ITM2B: variants seen among roughly 807,000 people sequenced by gnomAD.
ITM2B encodes integral membrane protein 2B.
ITM2B carries 11 observed loss-of-function variants against 27.8 expected under a neutral mutation model. The observed-to-expected ratio is 0.40, with a 90% CI of 0.25 to 0.66. The LOEUF (loss-of-function observed/expected upper bound fraction) is 0.66, where lower values mean the gene tolerates loss of function less well. Ranked by LOEUF, ITM2B falls within the 30% of genes least tolerant of loss-of-function variation. ITM2B has a pLI of 0.43. For missense variants in ITM2B, 296 were observed against 328.9 expected (o/e 0.90, Z 0.77); for synonymous variants, 114 against 114.3 (o/e 1.00, Z 0.02).
At position 48,267,598 on chromosome 13, in the gene ITM2B, G is replaced by T. The variant is rs140919645; in HGVS notation, c.*6374G>T. 9.2e-5 allele frequency: 14 copies of T among 152,160 alleles called. No individual in the cohort carries two copies. Among genetic ancestry groups the T allele is most frequent in the Admixed American group, 6.6e-4 (10 of 15,266 alleles). The allele number at this position is 152,160 out of a possible 1,614,324, so 9.4% of individuals were successfully genotyped here. A position where few individuals can be genotyped will look rare whatever the true frequency, so the allele number is the denominator to read the frequency against. On this transcript the variant is annotated 3_prime_UTR_variant, in exon 6 of 6. Coordinates refer to ENST00000647800, the MANE Select transcript of ITM2B (RefSeq NM_021999.5). ...TCTTGACTTTTGTTGAGGATTGATA[G>T]AAATAAAAATGAGCCAGAAATGTTT... is the stretch of plus-strand genomic sequence containing the variant.
At chr13:48,249,690 TA>T (rs938539341) in intron 1 of ITM2B, among the ~76,000 whole-genome samples, 1 of 152,168 alleles carries the variant, frequency 6.6e-6, no homozygotes, top group African/African-American at 2.4e-5. Flanking sequence ...ATTCCTCAAT[TA>T]AAAGGGTATG....
chr13:48,252,159 A>T (rs1249066036), intron 1 of ITM2B, among the ~76,000 whole-genome samples: 1 of 152,234 alleles, frequency 6.6e-6, no homozygotes, highest in African/African-American at 2.4e-5. Context: ...ACTGTATCGT[A>T]TCACATTGTT....
chr13:48,264,226 A>G lies in ITM2B; in HGVS notation c.*3002A>G, dbSNP rs1039317723. The G allele has an allele frequency of 6.6e-5, 10 of 152,124 alleles. No homozygotes were observed. The highest frequency in any genetic ancestry group is 1.9e-4 in the African/African-American group (8 of 41,430). The allele number at this position is 152,124 out of a possible 1,614,324, so 9.4% of individuals were successfully genotyped here. On this transcript the variant is annotated 3_prime_UTR_variant, in exon 6 of 6. Transcript: ENST00000647800. The stretch of plus-strand genomic sequence containing the variant: ...GTTGACAGTGCCTTTTTTGAAACCT[A>G]TCACTGCTATATGTTAGCAAGCAAA...
chr13:48,237,481 T>C (rs1363245880), intron 1 of ITM2B, among the ~76,000 whole-genome samples: 1 of 152,186 alleles, frequency 6.6e-6, no homozygotes, highest in Non-Finnish European at 1.5e-5. Flanking sequence ...ATTGTAGTCT[T>C]CCCAACTAGA....
intron 1 of ITM2B, among the ~76,000 whole-genome samples, chr13:48,251,945 CTT>C (rs1027186500): frequency 6.6e-6 from 1 of 152,210 alleles, no homozygotes; most frequent in African/African-American, 2.4e-5. Flanking sequence ...GCTGGGATAT[CTT>C]ACATGGCTTG....
intron 2 of ITM2B, chr13:48,255,104 GA>G (rs1201167331): frequency 1.3e-5 from 2 of 152,086 alleles, no homozygotes; most frequent in Non-Finnish European, 2.9e-5. Context: ...TCAAACTCCT[GA>G]CCTCAGGCGA....
At chr13:48,242,108 ATCTCT>A (rs537995998) in intron 1 of ITM2B, among the ~76,000 whole-genome samples, 188 of 152,270 alleles carry the variant, frequency 1.2e-3, no homozygotes, top group Non-Finnish European at 2.1e-3. Flanking sequence ...TGCACACATG[ATCTCT>A]TCTCCTGTTC....
rs764960845 is a variant in ITM2B at position 48,266,520 on chromosome 13, AG to A, written c.*5298del. 2 of 152,186 alleles carry A rather than the reference AG, an allele frequency of 1.3e-5. No homozygotes were observed. The highest frequency in any genetic ancestry group is 2.9e-5 in the Non-Finnish European group (2 of 68,040). 9.4% of individuals were successfully genotyped at this position (152,186 alleles called of 1,614,324 possible). On this transcript the variant is annotated 3_prime_UTR_variant, in exon 6 of 6. Transcript: ENST00000647800. ...GTGTCCTCAGTATTTGGCACATAAT[AG>A]GTTTTCTTGACACTGAAGGAAGGAA...
At position 48,258,250 on chromosome 13, in the gene ITM2B, G is replaced by C. The variant is rs370730140; in HGVS notation, c.564+14G>C. 2.4e-6 allele frequency: 3 copies of C among 1,263,424 alleles called. No individual in the cohort carries two copies. In the African/African-American group the frequency reaches 4.4e-5, roughly 19 times the overall value. 78.3% of individuals were successfully genotyped at this position (1,263,424 alleles called of 1,614,324 possible). ...ATTAACATCAAGGTATAAGAATGTT[G>C]ACTGTTTTTGATGAATGATGCCTTC... On this transcript the variant is annotated intron_variant, in intron 4 of 5. Transcript: ENST00000647800.
intron 1 of ITM2B, 64 bp from the exon 2 acceptor site, chr13:48,253,744 A>C: frequency 3.4e-6 from 5 of 1,489,600 alleles, no homozygotes; most frequent in Non-Finnish European, 4.7e-6. Context: ...AGGTTTTTCT[A>C]GTCCTGAGCC....
At chr13:48,244,443 A>T (rs910249225) in intron 1 of ITM2B, among the ~76,000 whole-genome samples, 1 of 152,208 alleles carries the variant, frequency 6.6e-6, no homozygotes, top group South Asian at 2.1e-4. Flanking sequence ...CACTTCTCAC[A>T]TGTAGAGAGA....
At position 48,265,822 on chromosome 13, in the gene ITM2B, C is replaced by T. The variant is rs1951849233; in HGVS notation, c.*4598C>T. ...GACCCTTCCTCAAGAGAAGATTTTC[C>T]TGAACCATTAGGAAAGGCTTCTCTT... is the stretch of plus-strand genomic sequence containing the variant. On this transcript the variant is annotated 3_prime_UTR_variant, in exon 6 of 6. Coordinates refer to ENST00000647800, the MANE Select transcript of ITM2B (RefSeq NM_021999.5). 6.6e-6 allele frequency: 1 copy of T among 152,166 alleles called. No homozygotes were observed. Among genetic ancestry groups the T allele is most frequent in the Admixed American group, 6.6e-5 (1 of 15,260 alleles). The allele number at this position is 152,166 out of a possible 1,614,324, so 9.4% of individuals were successfully genotyped here.
Position 48,264,235 on chromosome 13 carries a change from A to G in ITM2B, c.*3011A>G, listed in dbSNP as rs892707531. On this transcript the variant is annotated 3_prime_UTR_variant, in exon 6 of 6. Transcript: ENST00000647800. ...GCCTTTTTTGAAACCTATCACTGCTATATGTTAGCAAGCAAACACTGATCT... is the reference window on the plus strand; with the variant it reads ...GCCTTTTTTGAAACCTATCACTGCTGTATGTTAGCAAGCAAACACTGATCT... The G allele has an allele frequency of 1.3e-5, 2 of 152,120 alleles. No individual in the cohort carries two copies. The highest frequency in any genetic ancestry group is 2.1e-4 in the South Asian group (1 of 4,830). The allele number at this position is 152,120 out of a possible 1,614,324, so 9.4% of individuals were successfully genotyped here. A position where few individuals can be genotyped will look rare whatever the true frequency, so the allele number is the denominator to read the frequency against.
chr13:48,251,812 A>G (rs2137989415), intron 1 of ITM2B, among the ~76,000 whole-genome samples: 1 of 152,246 alleles, frequency 6.6e-6, no homozygotes, highest in Non-Finnish European at 1.5e-5. Context: ...TATGTTAGGA[A>G]TGATTTCTTA....
At chr13:48,233,827 A>G (rs1488021695) in intron 1 of ITM2B, among the ~76,000 whole-genome samples, 2 of 152,232 alleles carry the variant, frequency 1.3e-5, no homozygotes, top group South Asian at 4.1e-4. Flanking sequence ...GCACAACAAC[A>G]ACAACCGAGT....
intron 1 of ITM2B, among the ~76,000 whole-genome samples, chr13:48,251,974 TATTCTC>T (rs1394573985): frequency 1.3e-5 from 2 of 152,256 alleles, no homozygotes; most frequent in African/African-American, 4.8e-5. Context: ...TCTTCAGACT[TATTCTC>T]ATTACATACT....
At chr13:48,248,016 G>C (rs140464932) in intron 1 of ITM2B, among the ~76,000 whole-genome samples, 4 of 151,980 alleles carry the variant, frequency 2.6e-5, no homozygotes, top group African/African-American at 9.7e-5. Flanking sequence ...GAAACGTCTC[G>C]GTGACTTGTT....
intron 1 of ITM2B, among the ~76,000 whole-genome samples, chr13:48,240,827 A>G (rs1301830717): frequency 1.3e-5 from 2 of 152,220 alleles, no homozygotes; most frequent in Non-Finnish European, 2.9e-5. Flanking sequence ...GTGTACAGTT[A>G]GATAATTTTA....
intron 1 of ITM2B, among the ~76,000 whole-genome samples, chr13:48,253,165 G>C (rs1420422740): frequency 6.6e-6 from 1 of 152,086 alleles, no homozygotes. Flanking sequence ...AATTTTATCA[G>C]ACCATGGTTT....
Sources: allele counts gnomAD v4.1 joint callset (sites outside exome capture counted in the v4.1 genomes callset), GRCh38; gene constraint gnomAD v4.1.1; transcripts MANE v1.5; gene names NCBI Gene and HGNC (gene_info 2026-07-23, HGNC 2026-07-21).